LRRC7: variants seen among roughly 807,000 people sequenced by gnomAD.
The protein encoded by LRRC7 is leucine-rich repeat-containing protein 7.
LRRC7 carries 23 observed loss-of-function variants against 175.7 expected under a neutral mutation model. The observed-to-expected ratio is 0.13, with a 90% confidence interval of 0.09 to 0.19. The LOEUF (loss-of-function observed/expected upper bound fraction) is 0.19, where lower values mean the gene tolerates loss of function less well. Among genes scored for constraint, LRRC7 ranks in the 10% least tolerant of loss-of-function variants. The pLI, the probability that LRRC7 is intolerant of heterozygous loss-of-function variation, is 1.00. For synonymous variants in LRRC7, 685 were observed against 680.9 expected, an observed-to-expected ratio of 1.01 and a Z score of -0.09; for missense variants, 1,354 against 1,904.7, an observed-to-expected ratio of 0.71 and a Z score of 5.38.
intron 7 of LRRC7, among the ~76,000 whole-genome samples, chr1:69,877,928 C>T (rs1443443559): frequency 2.0e-5 from 3 of 151,802 alleles, no homozygotes; most frequent in East Asian, 1.9e-4. Flanking sequence ...GAAAACAACA[C>T]GTGTGATAAG....
intron 22 of LRRC7, among the ~76,000 whole-genome samples, chr1:70,048,368 C>T (rs575557855): frequency 1.3e-5 from 2 of 152,208 alleles, no homozygotes; most frequent in African/African-American, 4.8e-5. Context: ...AACTGAGGCT[C>T]ATGTGTTACA....
intron 3 of LRRC7, among the ~76,000 whole-genome samples, chr1:69,780,645 CA>C (rs35619672): frequency 6.6e-6 from 1 of 151,620 alleles, no homozygotes; most frequent in Non-Finnish European, 1.5e-5. Flanking sequence ...TCTTTTCTAA[CA>C]AAAAAAATTA....
chr1:69,628,217 C>T (rs752474915), intron 1 of LRRC7, among the ~76,000 whole-genome samples: 2 of 151,874 alleles, frequency 1.3e-5, no homozygotes, highest in Non-Finnish European at 2.9e-5. Flanking sequence ...CAGATAACAC[C>T]GTCATCTATA....
In LRRC7 at chr1:69,651,412, A is replaced by G. The variant is rs577435599; in HGVS notation, c.3-26969A>G. On this transcript the variant is annotated intron_variant, in intron 1 of 26. Coordinates refer to ENST00000651989, the MANE Select transcript of LRRC7 (RefSeq NM_001370785.2). ...TTTGCAAATCCAATTATATCTGCCAATTCAAAGAGTTTTCATTTTGTCTTG... is the reference window on the plus strand; with the variant it reads ...TTTGCAAATCCAATTATATCTGCCAGTTCAAAGAGTTTTCATTTTGTCTTG... Among the ~76,000 whole-genome samples the G allele has an allele frequency of 1.1e-4, 16 of 152,294 alleles. 1 individual carries two copies. The highest frequency in any genetic ancestry group is 1.0e-3 in the South Asian group (5 of 4,830).
chr1:70,005,630 C>A (rs1655936126), intron 11 of LRRC7, among the ~76,000 whole-genome samples: 1 of 152,196 alleles, frequency 6.6e-6, no homozygotes, highest in Non-Finnish European at 1.5e-5. Context: ...GACCTAAACA[C>A]AACTATTGTA....
intron 1 of LRRC7, among the ~76,000 whole-genome samples, chr1:69,662,511 C>G (rs975725014): frequency 2.0e-5 from 3 of 152,162 alleles, no homozygotes; most frequent in Non-Finnish European, 2.9e-5. Flanking sequence ...CATTGCTGCC[C>G]TTACAAATGA....
intron 11 of LRRC7, among the ~76,000 whole-genome samples, chr1:70,011,442 T>A (rs1656498611): frequency 6.6e-6 from 1 of 152,140 alleles, no homozygotes; most frequent in African/African-American, 2.4e-5. Context: ...ACCTGCCCTC[T>A]CCACCCTTCT....
rs984409948 is a variant in LRRC7 at position 69,785,375 on chromosome 1, T to C, written c.304-6668T>C. ...AGTTAATTTTGACAGTTTTACAACT[T>C]TGCATCAAGTTTTGGGTGCACCACT... On this transcript the variant is annotated intron_variant, in intron 3 of 26. Transcript: ENST00000651989. Among the ~76,000 whole-genome samples, 14 of 152,274 alleles carry C rather than the reference T, an allele frequency of 9.2e-5. No homozygotes were observed. The South Asian group carries it at 1.0e-3, about 11-fold the overall frequency.
At chr1:69,887,060 A>T (rs1478892569) in intron 7 of LRRC7, among the ~76,000 whole-genome samples, 20 of 149,004 alleles carry the variant, frequency 1.3e-4, no homozygotes, top group Admixed American at 8.0e-4. Flanking sequence ...ATTTTTTCCT[A>T]CATTTCAACT....
chr1:69,926,379 CGTT>C lies in LRRC7; in HGVS notation c.648-5125_648-5123del, dbSNP rs1570684097. On this transcript the variant is annotated intron_variant, in intron 7 of 26. Transcript: ENST00000651989. ...GGGTATCCTTGTTAACTTTCTGTCT[CGTT>C]GTCGGGTCTAATGTTGACAGTGGGG... Among the ~76,000 whole-genome samples the C allele has an allele frequency of 2.3e-5, 3 of 131,604 alleles. No homozygotes were observed. The East Asian group carries it at 6.7e-4, about 30-fold the overall frequency. 86.3% of individuals were successfully genotyped at this position (131,604 alleles called of 152,430 possible). A position where few individuals can be genotyped will look rare whatever the true frequency, so the allele number is the denominator to read the frequency against.
chr1:70,046,663 C>T (rs1282440686), intron 22 of LRRC7, among the ~76,000 whole-genome samples: 1 of 152,240 alleles, frequency 6.6e-6, no homozygotes, highest in African/African-American at 2.4e-5. Flanking sequence ...AGCTTTCCCA[C>T]CCCATCACCA....
rs1446890898 is a variant in LRRC7, at chr1:70,136,819, A to G, written c.*14932A>G. ...ATCATGGCCCACTGCAGCCTTGACC[A>G]CCTGGGCTCAAGTGATCCACCTCAG... On this transcript the variant is annotated 3_prime_UTR_variant, in exon 27 of 27. Coordinates refer to ENST00000651989, the MANE Select transcript of LRRC7 (RefSeq NM_001370785.2). Among the ~76,000 whole-genome samples, 1 of 136,410 alleles carries G rather than the reference A, an allele frequency of 7.3e-6. No homozygotes were observed. Among genetic ancestry groups the G allele is most frequent in the African/African-American group, 2.8e-5 (1 of 35,502 alleles). 89.5% of individuals were successfully genotyped at this position (136,410 alleles called of 152,430 possible). A position where few individuals can be genotyped will look rare whatever the true frequency, so the allele number is the denominator to read the frequency against.
At chr1:69,972,955 A>G (rs1652407028) in intron 8 of LRRC7, among the ~76,000 whole-genome samples, 1 of 145,900 alleles carries the variant, frequency 6.9e-6, no homozygotes, top group East Asian at 2.0e-4. Flanking sequence ...TATAAATACT[A>G]TATATATAAT....
intron 7 of LRRC7, among the ~76,000 whole-genome samples, chr1:69,891,063 T>A (rs116626493): frequency 6.6e-6 from 1 of 152,258 alleles, no homozygotes; most frequent in South Asian, 2.1e-4. Flanking sequence ...GAAGTGGCAC[T>A]TTTGATTTCC....
chr1:70,102,183 TA>T (rs1200769239), intron 25 of LRRC7, among the ~76,000 whole-genome samples: 1 of 152,154 alleles, frequency 6.6e-6, no homozygotes, highest in Non-Finnish European at 1.5e-5. Context: ...TGAAAGTTAA[TA>T]AAAAATCATT....
At chr1:70,079,065 TAA>T (rs2102139342) in intron 24 of LRRC7, among the ~76,000 whole-genome samples, 1 of 152,344 alleles carries the variant, frequency 6.6e-6, no homozygotes, top group African/African-American at 2.4e-5. Context: ...TTTACTTTCC[TAA>T]GTTATATTTC....
At chr1:70,021,303 C>A in intron 16 of LRRC7, 174 bp downstream of exon 16, 2 of 538,668 alleles carry the variant, frequency 3.7e-6, no homozygotes, top group Non-Finnish European at 6.4e-6. Flanking sequence ...CAGAATGAGA[C>A]TAATGTCCCA....
At chr1:69,919,532 A>G (rs1387544772) in intron 7 of LRRC7, 1 of 802,850 alleles carries the variant, frequency 1.2e-6, no homozygotes. Context: ...CGCCGCTCGC[A>G]CCTGCTAGTG....
chr1:69,969,076 C>T (rs916031182), intron 8 of LRRC7, among the ~76,000 whole-genome samples: 1 of 152,038 alleles, frequency 6.6e-6, no homozygotes, highest in Non-Finnish European at 1.5e-5. Flanking sequence ...CCTCGACCTC[C>T]CAAAGTGCTG....
Sources: gnomAD v4.1 joint callset for allele counts (sites outside exome capture counted in the v4.1 genomes callset) on GRCh38, gnomAD v4.1.1 for gene constraint, MANE v1.5 for transcripts, NCBI Gene and HGNC (gene_info 2026-07-23, HGNC 2026-07-21) for gene names.